GUCY1A2: variants seen among roughly 807,000 people sequenced by gnomAD.
GUCY1A2 encodes guanylate cyclase soluble subunit alpha-2.
Under a neutral mutation model 63.5 loss-of-function variants are expected in GUCY1A2, and 27 were observed. That is an observed-to-expected ratio of 0.43 (90% CI 0.31 to 0.59). The LOEUF (loss-of-function observed/expected upper bound fraction) is 0.59. Among genes scored for constraint, GUCY1A2 ranks in the 20% least tolerant of loss-of-function variants. GUCY1A2 has a pLI of 0.11. For missense variants in GUCY1A2, 768 were observed against 913.3 expected, an observed-to-expected ratio of 0.84 and a Z score of 2.05; for synonymous variants, 364 against 343.5, an observed-to-expected ratio of 1.06 and a Z score of -0.66.
intron 4 of GUCY1A2, among the ~76,000 whole-genome samples, chr11:106,832,423 T>C (rs2135437755): frequency 6.6e-6 from 1 of 152,282 alleles, no homozygotes; most frequent in South Asian, 2.1e-4. Flanking sequence ...AATTATCATC[T>C]GACTTAATTT....
intron 5 of GUCY1A2, among the ~76,000 whole-genome samples, chr11:106,783,963 T>G (rs1344166177): frequency 6.6e-6 from 1 of 152,178 alleles, no homozygotes; most frequent in African/African-American, 2.4e-5. Flanking sequence ...TGTTAGCCTG[T>G]GCAGGTACTG....
intron 4 of GUCY1A2, among the ~76,000 whole-genome samples, chr11:106,912,199 C>T (rs577783571): frequency 1.3e-5 from 2 of 151,992 alleles, no homozygotes; most frequent in East Asian, 3.9e-4. Flanking sequence ...ATATCAACTC[C>T]CATCTTTTTT....
chr11:106,860,538 A>G (rs1222677257), intron 4 of GUCY1A2, among the ~76,000 whole-genome samples: 2 of 151,946 alleles, frequency 1.3e-5, no homozygotes, highest in Non-Finnish European at 2.9e-5. Flanking sequence ...GTATTTTACC[A>G]TATTGTATCT....
At chr11:106,756,387 C>T (rs1222234038) in intron 6 of GUCY1A2, among the ~76,000 whole-genome samples, 1 of 151,978 alleles carries the variant, frequency 6.6e-6, no homozygotes, top group Non-Finnish European at 1.5e-5. Flanking sequence ...TGATTTTGTC[C>T]TCATGATGCT....
chr11:107,006,462 A>G (rs1350300323), intron 1 of GUCY1A2, among the ~76,000 whole-genome samples: 1 of 152,210 alleles, frequency 6.6e-6, no homozygotes, highest in African/African-American at 2.4e-5. Context: ...GTGCATGTAT[A>G]TATACAAATG....
intron 4 of GUCY1A2, among the ~76,000 whole-genome samples, chr11:106,814,218 G>T (rs983880885): frequency 6.6e-6 from 1 of 152,048 alleles, no homozygotes; most frequent in Non-Finnish European, 1.5e-5. Context: ...CTATTCTTTA[G>T]AATTCAGTTC....
At chr11:106,758,745 T>C (rs542608823) in intron 6 of GUCY1A2, among the ~76,000 whole-genome samples, 1 of 152,314 alleles carries the variant, frequency 6.6e-6, no homozygotes, top group African/African-American at 2.4e-5. Context: ...CAGAGTGGCT[T>C]TCCATTATTT....
At chr11:106,834,844 G>C (rs1859096765) in intron 4 of GUCY1A2, among the ~76,000 whole-genome samples, 1 of 151,974 alleles carries the variant, frequency 6.6e-6, no homozygotes, top group Non-Finnish European at 1.5e-5. Flanking sequence ...CAGCAAGGAA[G>C]ATAAGCTGAA....
chr11:106,696,044 T>G (rs1259097733), intron 7 of GUCY1A2, among the ~76,000 whole-genome samples: 1 of 152,154 alleles, frequency 6.6e-6, no homozygotes, highest in Non-Finnish European at 1.5e-5. Flanking sequence ...AAAGTGTGCT[T>G]AAGTATAGGT....
intron 3 of GUCY1A2, among the ~76,000 whole-genome samples, chr11:106,948,885 C>T (rs897872698): frequency 5.3e-5 from 8 of 151,938 alleles, no homozygotes; most frequent in Non-Finnish European, 1.2e-4. Flanking sequence ...AAATCAAATT[C>T]CAGATCAATT....
At chr11:106,772,894 G>A (rs561608562) in intron 6 of GUCY1A2, among the ~76,000 whole-genome samples, 151 of 152,182 alleles carry the variant, frequency 9.9e-4, no homozygotes, top group African/African-American at 3.3e-3. Flanking sequence ...TATTCCTTTT[G>A]TTTGTTTTCC....
chr11:106,676,535 A>G lies in GUCY1A2; in HGVS notation c.*11014T>C, dbSNP rs900615378. On this transcript the variant is annotated 3_prime_UTR_variant, in exon 8 of 8. Coordinates refer to ENST00000526355, the MANE Select transcript of GUCY1A2 (RefSeq NM_000855.3). The stretch of plus-strand genomic sequence containing the variant: ...ACATTGTATATTGCTTTTTCAATAG[A>G]GTAGACATAAAATTGATGACAAATG... 4.8e-5 allele frequency: 9 copies of G among 186,772 alleles called. No homozygotes were observed. Among genetic ancestry groups the G allele is most frequent in the African/African-American group, 2.1e-4 (9 of 42,742 alleles). 11.6% of individuals were successfully genotyped at this position (186,772 alleles called of 1,614,324 possible). A position where few individuals can be genotyped will look rare whatever the true frequency, so the allele number is the denominator to read the frequency against.
chr11:107,009,155 T>C (rs935914861), intron 1 of GUCY1A2, among the ~76,000 whole-genome samples: 1 of 152,192 alleles, frequency 6.6e-6, no homozygotes, highest in Non-Finnish European at 1.5e-5. Context: ...CACCACTGAA[T>C]GAACGGCTAA....
intron 6 of GUCY1A2, among the ~76,000 whole-genome samples, chr11:106,754,419 T>C (rs531418847): frequency 6.6e-6 from 1 of 152,330 alleles, no homozygotes; most frequent in South Asian, 2.1e-4. Flanking sequence ...AGAGAGGGCA[T>C]CCCTGTCTTG....
intron 1 of GUCY1A2, among the ~76,000 whole-genome samples, chr11:107,006,749 A>C (rs145529037): frequency 6.8e-4 from 103 of 152,348 alleles, no homozygotes; most frequent in African/African-American, 2.4e-3. Flanking sequence ...CACACAATCT[A>C]CAGCAGAGTG....
chr11:106,942,082 A>G (rs1860759313), intron 3 of GUCY1A2, among the ~76,000 whole-genome samples: 1 of 152,214 alleles, frequency 6.6e-6, no homozygotes. Flanking sequence ...TGTAGAAGAG[A>G]AAACAAAGAC....
At chr11:107,015,231 A>G (rs928786175) in intron 1 of GUCY1A2, among the ~76,000 whole-genome samples, 1 of 152,158 alleles carries the variant, frequency 6.6e-6, no homozygotes, top group Non-Finnish European at 1.5e-5. Flanking sequence ...CACCTGACAG[A>G]CCCTTTTCAT....
At chr11:106,843,874 CTATT>C (rs571713055) in intron 4 of GUCY1A2, among the ~76,000 whole-genome samples, 3 of 151,848 alleles carry the variant, frequency 2.0e-5, no homozygotes, top group Non-Finnish European at 2.9e-5. Flanking sequence ...GAAAAATCTC[CTATT>C]TATTATGACA....
rs1177084249 is a variant in GUCY1A2 at position 106,685,205 on chromosome 11, T to G, written c.*2344A>C. 4.9e-6 allele frequency: 1 copy of G among 203,540 alleles called. No individual in the cohort carries two copies. Among genetic ancestry groups the G allele is most frequent in the Non-Finnish European group, 1.0e-5 (1 of 99,194 alleles). 12.6% of individuals were successfully genotyped at this position (203,540 alleles called of 1,614,324 possible). On this transcript the variant is annotated 3_prime_UTR_variant, in exon 8 of 8. Coordinates refer to ENST00000526355, the MANE Select transcript of GUCY1A2 (RefSeq NM_000855.3). ...TCTGGCACGTTCTTCATCGTGACATTTATGGCAATGTAAATGGATACTTAT... is the reference window on the plus strand; with the variant it reads ...TCTGGCACGTTCTTCATCGTGACATGTATGGCAATGTAAATGGATACTTAT...
Sources: allele counts gnomAD v4.1 joint callset (sites outside exome capture counted in the v4.1 genomes callset), GRCh38; gene constraint gnomAD v4.1.1; transcripts MANE v1.5; gene names NCBI Gene and HGNC (gene_info 2026-07-23, HGNC 2026-07-21).